CTNND2: variants seen among roughly 807,000 people sequenced by gnomAD.
The protein encoded by CTNND2 is catenin delta 2.
In CTNND2, 22 loss-of-function variants were observed where a neutral mutation model predicts 144.4. The observed-to-expected ratio is 0.15, with a 90% CI of 0.11 to 0.22. The LOEUF (loss-of-function observed/expected upper bound fraction) is 0.22. Ranked by LOEUF, CTNND2 falls within the 10% of genes least tolerant of loss-of-function variation. The pLI, the probability that CTNND2 is intolerant of heterozygous loss-of-function variation, is 1.00. For missense variants in CTNND2, 1,353 were observed against 1,618.8 expected, an observed-to-expected ratio of 0.84 and a Z score of 2.82; for synonymous variants, 751 against 695.6, an observed-to-expected ratio of 1.08 and a Z score of -1.25.
At chr5:11,891,555 T>C (rs1369997388) in intron 1 of CTNND2, among the ~76,000 whole-genome samples, 1 of 152,136 alleles carries the variant, frequency 6.6e-6, no homozygotes, top group African/African-American at 2.4e-5. Context: ...AGTGTTAGAT[T>C]AGGTGATGGG....
chr5:11,456,466 G>A lies in CTNND2; in HGVS notation c.288-44397C>T, dbSNP rs1335714689. ...GTTTCACATCTGTGTCCAGACACAG[G>A]TGCTGTGACCCAGCAGAGAACTACG... On this transcript the variant is annotated intron_variant, in intron 3 of 21. Transcript: ENST00000304623. Among the ~76,000 whole-genome samples, 12 of 152,020 alleles carry A rather than the reference G, an allele frequency of 7.9e-5. 1 individual carries two copies. The highest frequency in any genetic ancestry group is 7.9e-4 in the Admixed American group (12 of 15,268).
intron 2 of CTNND2, among the ~76,000 whole-genome samples, chr5:11,614,206 T>C (rs1047318073): frequency 2.0e-5 from 3 of 152,226 alleles, no homozygotes; most frequent in African/African-American, 7.2e-5. Context: ...AGTTAACTTA[T>C]ACTGATCACC....
intron 7 of CTNND2, among the ~76,000 whole-genome samples, chr5:11,382,794 T>C (rs563468920): frequency 1.3e-5 from 2 of 152,160 alleles, no homozygotes; most frequent in Non-Finnish European, 2.9e-5. Context: ...GCAAACCAAG[T>C]AGCTCCCAAC....
chr5:11,169,304 A>G (rs1448298649), intron 11 of CTNND2, among the ~76,000 whole-genome samples: 1 of 152,192 alleles, frequency 6.6e-6, no homozygotes, highest in Non-Finnish European at 1.5e-5. Flanking sequence ...TTACTGCAGT[A>G]TGTCTAACAA....
At chr5:11,482,280 G>A in intron 3 of CTNND2, among the ~76,000 whole-genome samples, 1 of 152,106 alleles carries the variant, frequency 6.6e-6, no homozygotes, top group East Asian at 1.9e-4. Context: ...TGTCTCTATG[G>A]ATAGGAATCT....
At chr5:11,167,310 C>T (rs781061666) in intron 11 of CTNND2, among the ~76,000 whole-genome samples, 1 of 152,170 alleles carries the variant, frequency 6.6e-6, no homozygotes, top group Non-Finnish European at 1.5e-5. Context: ...AACAGAATCA[C>T]TTAGGCACAA....
chr5:11,201,099 A>G (rs1417347257), intron 10 of CTNND2, among the ~76,000 whole-genome samples: 1 of 152,234 alleles, frequency 6.6e-6, no homozygotes, highest in East Asian at 1.9e-4. Context: ...TTTATCTTCA[A>G]GTGCTATTGA....
chr5:11,272,936 A>C (rs755299997), intron 9 of CTNND2, among the ~76,000 whole-genome samples: 1 of 152,174 alleles, frequency 6.6e-6, no homozygotes, highest in East Asian at 1.9e-4. Flanking sequence ...AAAGGTTTCT[A>C]CAGTTGCACA....
chr5:11,236,437 A>G (rs1188594616), intron 10 of CTNND2, among the ~76,000 whole-genome samples: 1 of 152,220 alleles, frequency 6.6e-6, no homozygotes, highest in Non-Finnish European at 1.5e-5. Context: ...GCATTTGACA[A>G]TCCAGCCTCT....
chr5:11,387,733 G>A (rs1020662225), intron 6 of CTNND2, among the ~76,000 whole-genome samples: 4 of 152,150 alleles, frequency 2.6e-5, no homozygotes, highest in African/African-American at 7.2e-5. Context: ...TCTTGGCTAT[G>A]TAACATTAAT....
intron 11 of CTNND2, among the ~76,000 whole-genome samples, chr5:11,174,780 G>A (rs953020243): frequency 9.2e-5 from 14 of 152,200 alleles, no homozygotes; most frequent in African/African-American, 3.1e-4. Flanking sequence ...TCAGCAGAGC[G>A]TGGCAAAGCA....
rs79132741 is a variant in CTNND2, at chr5:11,135,924, T to C, written c.2160-18357A>G. On this transcript the variant is annotated intron_variant, in intron 12 of 21. Coordinates refer to ENST00000304623, the MANE Select transcript of CTNND2 (RefSeq NM_001332.4). ...TAGGTGGAGATATCCACTTCTAAAT[T>C]AGCATTGGCTACTGCTATCATCTGA... 2.9e-3 allele frequency among the ~76,000 whole-genome samples: 435 copies of C among 152,336 alleles called. 3 individuals are homozygous for C. Among genetic ancestry groups the C allele is most frequent in the African/African-American group, 9.3e-3 (385 of 41,586 alleles).
chr5:11,323,235 G>GGC (rs1554032325), intron 9 of CTNND2, among the ~76,000 whole-genome samples: 4 of 147,016 alleles, frequency 2.7e-5, no homozygotes, highest in Non-Finnish European at 6.0e-5. Flanking sequence ...AGAGATTGGG[G>GGC]GGGGGGGTCT....
chr5:11,292,536 T>A (rs1180064060), intron 9 of CTNND2, among the ~76,000 whole-genome samples: 3 of 152,126 alleles, frequency 2.0e-5, no homozygotes, highest in Admixed American at 1.3e-4. Context: ...TGATAGTGAG[T>A]GAATTCTCAC....
chr5:11,630,780 C>T (rs749700187), intron 2 of CTNND2, among the ~76,000 whole-genome samples: 5 of 151,870 alleles, frequency 3.3e-5, no homozygotes, highest in East Asian at 3.9e-4. Flanking sequence ...GGTGAAATGC[C>T]GTCTCTACTA....
At chr5:11,625,451 CATTTACAAAAAATAA>C (rs1781108355) in intron 2 of CTNND2, among the ~76,000 whole-genome samples, 1 of 150,578 alleles carries the variant, frequency 6.6e-6, no homozygotes, top group Admixed American at 6.6e-5. Context: ...TACTTCACAT[CATTTACAAAAAATAA>C]CTTAAACTAG....
intron 13 of CTNND2, among the ~76,000 whole-genome samples, chr5:11,113,757 C>T (rs575548202): frequency 6.6e-6 from 1 of 152,350 alleles, no homozygotes; most frequent in African/African-American, 2.4e-5. Context: ...GTACCTCCCA[C>T]CAGACTGAGC....
intron 1 of CTNND2, among the ~76,000 whole-genome samples, chr5:11,769,570 CATA>C (rs1282712479): frequency 6.6e-6 from 1 of 152,128 alleles, no homozygotes; most frequent in African/African-American, 2.4e-5. Flanking sequence ...AATAATTTTA[CATA>C]ATATCCATTT....
In CTNND2 at chr5:11,129,162, T is replaced by TAA. The variant is rs1755210283; in HGVS notation, c.2160-11596_2160-11595insTT. On this transcript the variant is annotated intron_variant, in intron 12 of 21. Transcript: ENST00000304623. ...ATATTATATATAAAATATACATATA[T>TAA]TATATATTATATATTTTATATATAA... Among the ~76,000 whole-genome samples, 7 of 19,186 alleles carry TAA rather than the reference T, an allele frequency of 3.6e-4. 1 individual carries two copies. Among genetic ancestry groups the TAA allele is most frequent in the Non-Finnish European group, 6.8e-4 (7 of 10,280 alleles). The allele number at this position is 19,186 out of a possible 152,430, so 12.6% of individuals were successfully genotyped here.
Sources: allele counts gnomAD v4.1 joint callset (sites outside exome capture counted in the v4.1 genomes callset), GRCh38; gene constraint gnomAD v4.1.1; transcripts MANE v1.5; gene names NCBI Gene and HGNC (gene_info 2026-07-23, HGNC 2026-07-21).